Variants in LTBP1 observed in about 807,000 individuals in gnomAD.
The protein encoded by LTBP1 is latent transforming growth factor beta binding protein 1.
In LTBP1, 129 loss-of-function variants were observed where a neutral mutation model predicts 207.6. The observed-to-expected ratio is 0.62, with a 90% CI of 0.54 to 0.72. The LOEUF (loss-of-function observed/expected upper bound fraction) is 0.72. Among genes scored for constraint, LTBP1 ranks in the 30% least tolerant of loss-of-function variants. The pLI, the probability that LTBP1 is intolerant of heterozygous loss-of-function variation, is 0.00. For synonymous variants in LTBP1, 963 were observed against 833.7 expected (o/e 1.16, Z -2.67); for missense variants, 2,281 against 2,217.2 (o/e 1.03, Z -0.58).
Position 33,309,497 on chromosome 2 carries a change from G to C in LTBP1, c.3545G>C (p.Gly1182Ala), listed in dbSNP as rs1025070464. The part of the protein sequence containing the change: ...CQRGDCINTA[G>A]SYDCTCPDGF... ...AGAGGAGACTGCATTAATACTGCAG[G>C]GTCCTATGATTGTACTTGTCCGGAT... Residue 1182 changes from glycine to alanine, a missense_variant, in exon 23 of 34, where the codon GGG becomes GCG. Around this residue, in one of 3 missense-constraint regions of LTBP1, gnomAD observed 1,671 missense variants for 1,634.8 expected, o/e 1.02. Transcript: ENST00000404816. 1 of 1,609,114 alleles carries C rather than the reference G, an allele frequency of 6.2e-7. No individual in the cohort carries two copies. Among genetic ancestry groups the C allele is most frequent in the Non-Finnish European group, 8.5e-7 (1 of 1,177,250 alleles).
At chr2:32,957,980 C>T (rs1326534788) in intron 2 of LTBP1, among the ~76,000 whole-genome samples, 2 of 152,154 alleles carry the variant, frequency 1.3e-5, no homozygotes, top group Non-Finnish European at 2.9e-5. Flanking sequence ...GCTTACTCCT[C>T]TCCTCTCCCT....
chr2:33,182,249 T>C (rs892564150), intron 5 of LTBP1, among the ~76,000 whole-genome samples: 7 of 152,122 alleles, frequency 4.6e-5, no homozygotes, highest in African/African-American at 7.2e-5. Context: ...GTGTGGAGGT[T>C]ATCTCAGGGG....
At chr2:33,003,219 G>T (rs75993602) in intron 2 of LTBP1, among the ~76,000 whole-genome samples, 1,879 of 152,302 alleles carry the variant, frequency 0.012, 14 homozygotes, top group Non-Finnish European at 0.019. Context: ...CTGCTCAAAT[G>T]TAGAAAGACA....
At chr2:33,032,056 C>T (rs141815499) in intron 3 of LTBP1, among the ~76,000 whole-genome samples, 1 of 152,272 alleles carries the variant, frequency 6.6e-6, no homozygotes, top group Non-Finnish European at 1.5e-5. Context: ...AGGATTCAGA[C>T]TGCCAGTCAA....
intron 3 of LTBP1, among the ~76,000 whole-genome samples, chr2:33,064,820 A>G (rs568076811): frequency 1.3e-5 from 2 of 152,224 alleles, no homozygotes; most frequent in Admixed American, 1.3e-4. Flanking sequence ...CCCAACTTGT[A>G]TTGTTGGGAT....
At chr2:33,257,238 G>T in intron 11 of LTBP1, 46 bp from the exon 12 acceptor site, 1 of 1,408,930 alleles carries the variant, frequency 7.1e-7, no homozygotes, top group Non-Finnish European at 1.0e-6. Flanking sequence ...GTATAAGTTT[G>T]CACTGTTAGA....
At chr2:33,148,198 C>T (rs141247559) in intron 5 of LTBP1, among the ~76,000 whole-genome samples, 132 of 152,272 alleles carry the variant, frequency 8.7e-4, no homozygotes, top group African/African-American at 2.9e-3. Context: ...CATCCTTATT[C>T]TTGTTAAGCC....
rs551703277 is a variant in LTBP1, at chr2:33,001,036, T to C, written c.566-19873T>C. ...TTTTGAGCCACAGTTCAGGACAGCCTCTCGCCCTTGTGACCACCTGTCCTT... is the reference window on the plus strand; with the variant it reads ...TTTTGAGCCACAGTTCAGGACAGCCCCTCGCCCTTGTGACCACCTGTCCTT... On this transcript the variant is annotated intron_variant, in intron 2 of 33. Coordinates refer to ENST00000404816, the MANE Select transcript of LTBP1 (RefSeq NM_206943.4). 1.5e-5 allele frequency among the ~76,000 whole-genome samples: 2 copies of C among 135,142 alleles called. 1 individual carries two copies. The highest frequency in any genetic ancestry group is 7.6e-4 in the East Asian group (2 of 2,628). The allele number at this position is 135,142 out of a possible 152,430, so 88.7% of individuals were successfully genotyped here. A position where few individuals can be genotyped will look rare whatever the true frequency, so the allele number is the denominator to read the frequency against.
intron 6 of LTBP1, among the ~76,000 whole-genome samples, chr2:33,188,277 C>T (rs910055236): frequency 1.3e-5 from 2 of 151,742 alleles, no homozygotes; most frequent in Non-Finnish European, 2.9e-5. Flanking sequence ...AAAAATTAGC[C>T]AGGCATGGTG....
chr2:33,050,604 T>C (rs1039035569), intron 3 of LTBP1, among the ~76,000 whole-genome samples: 1 of 152,176 alleles, frequency 6.6e-6, no homozygotes, highest in Non-Finnish European at 1.5e-5. Context: ...ACTTCAAAAC[T>C]TCATTAATTT....
At chr2:32,979,410 A>G (rs914689109) in intron 2 of LTBP1, among the ~76,000 whole-genome samples, 3 of 152,020 alleles carry the variant, frequency 2.0e-5, no homozygotes, top group South Asian at 2.1e-4. Flanking sequence ...CATTGTTTCA[A>G]TAATTTAAAA....
intron 4 of LTBP1, among the ~76,000 whole-genome samples, chr2:33,126,509 CTT>C (rs2081442573): frequency 6.6e-6 from 1 of 152,206 alleles, no homozygotes; most frequent in African/African-American, 2.4e-5. Context: ...AAGGGGCACT[CTT>C]TTGATGAGAG....
Position 33,279,985 on chromosome 2 carries a change from T to C in LTBP1, c.2993-54T>C, listed in dbSNP as rs184154342. ...CCGCTGCCTTCATCACAAAGTAAGA[T>C]TTTGCTTTGGTATTCTGATAAAATG... On this transcript the variant is annotated intron_variant, in intron 18 of 33. Transcript: ENST00000404816. 1.6e-4 allele frequency: 255 copies of C among 1,599,116 alleles called. No homozygotes were observed. In the African/African-American group the frequency reaches 3.0e-3, roughly 19 times the overall value.
chr2:33,361,411 T>TTTTG lies in LTBP1; in HGVS notation c.4184-18_4184-17insTTTG. 1 of 1,506,692 alleles carries TTTTG rather than the reference T, an allele frequency of 6.6e-7. No individual in the cohort carries two copies. The highest frequency in any genetic ancestry group is 1.4e-5 in the African/African-American group (1 of 70,858). 93.3% of individuals were successfully genotyped at this position (1,506,692 alleles called of 1,614,324 possible). ...AGATGTTGAATCTTTTTTTTTTTTT[T>TTTTG]GTCTCTTCTAAAATCAGCTGAGTTC... On this transcript the variant is annotated splice_polypyrimidine_tract_variant and intron_variant, in intron 27 of 33. Transcript: ENST00000404816.
chr2:33,220,116 T>G (rs1210614438), intron 8 of LTBP1, among the ~76,000 whole-genome samples: 4 of 152,240 alleles, frequency 2.6e-5, no homozygotes, highest in Non-Finnish European at 4.4e-5. Context: ...AAGGGCAATG[T>G]GGACTATGAA....
At chr2:33,135,473 G>A (rs569643558) in intron 5 of LTBP1, among the ~76,000 whole-genome samples, 1 of 152,276 alleles carries the variant, frequency 6.6e-6, no homozygotes, top group Admixed American at 6.5e-5. Context: ...TGCATCTTTT[G>A]CCACGTTTCT....
At chr2:32,982,260 T>C (rs1682877776) in intron 2 of LTBP1, among the ~76,000 whole-genome samples, 1 of 152,230 alleles carries the variant, frequency 6.6e-6, no homozygotes, top group Non-Finnish European at 1.5e-5. Flanking sequence ...ATTTTGCTTT[T>C]GCCCTAGAGA....
rs560884481 is a variant in LTBP1 at position 33,293,289 on chromosome 2, A to G, written c.3235+7A>G. On this transcript the variant is annotated splice_region_variant and intron_variant, in intron 20 of 33. Transcript: ENST00000404816. The stretch of plus-strand genomic sequence containing the variant: ...GACCACAAGCACTGTAGAGGTAAAT[A>G]CTGTGATCAAGTTTCCCATTTTTAT... The G allele has an allele frequency of 2.5e-6, 4 of 1,587,330 alleles. No homozygotes were observed. In the East Asian group the frequency reaches 6.8e-5, roughly 27 times the overall value.
chr2:33,286,945 G>A (rs903118560), intron 19 of LTBP1, among the ~76,000 whole-genome samples: 2 of 152,114 alleles, frequency 1.3e-5, no homozygotes, highest in Admixed American at 1.3e-4. Flanking sequence ...GTGAGGGGAG[G>A]GGGAAGAGAT....
Sources: gnomAD v4.1 joint callset for allele counts (sites outside exome capture counted in the v4.1 genomes callset) on GRCh38, gnomAD v4.1.1 for gene constraint, gnomAD v4.1.1 regional missense constraint, MANE v1.5 for transcripts, NCBI Gene and HGNC (gene_info 2026-07-23, HGNC 2026-07-21) for gene names.